The following FOXP1 variants were observed in gnomAD, a reference collection of about 807,000 sequenced individuals.
FOXP1 encodes forkhead box P1.
A neutral mutation model predicts 98.2 loss-of-function variants in FOXP1; 15 were observed. The observed-to-expected ratio is 0.15, with a 90% CI of 0.10 to 0.24. The LOEUF (loss-of-function observed/expected upper bound fraction) is 0.24. FOXP1 is among the 10% of genes least tolerant of loss of function. The pLI is 1.00. For synonymous variants in FOXP1, 371 were observed against 314.5 expected (o/e 1.18, Z -1.90); for missense variants, 633 against 848.5 (o/e 0.75, Z 3.15).
At chr3:71,142,951 G>C (rs1191263029) in intron 6 of FOXP1, among the ~76,000 whole-genome samples, 1 of 152,052 alleles carries the variant, frequency 6.6e-6, no homozygotes, top group East Asian at 1.9e-4. Flanking sequence ...GAGATAAGGG[G>C]GCAGGAAAGA....
At chr3:71,073,943 C>T (rs904458682) in intron 7 of FOXP1, among the ~76,000 whole-genome samples, 2 of 152,148 alleles carry the variant, frequency 1.3e-5, no homozygotes, top group Non-Finnish European at 2.9e-5. Context: ...GGACCAGAGC[C>T]ACTCATGAAC....
chr3:71,043,880 A>T (rs531434930), intron 10 of FOXP1, among the ~76,000 whole-genome samples: 3 of 152,126 alleles, frequency 2.0e-5, no homozygotes, highest in Admixed American at 2.0e-4. Flanking sequence ...ATGTTACTCT[A>T]CTCTCCCATC....
intron 13 of FOXP1, among the ~76,000 whole-genome samples, chr3:70,992,628 C>A (rs2040777389): frequency 1.3e-5 from 2 of 152,218 alleles, no homozygotes; most frequent in South Asian, 2.1e-4. Context: ...GCACCCCAAT[C>A]GAAGAATTTC....
At chr3:71,498,326 G>A (rs1407572498) in intron 2 of FOXP1, among the ~76,000 whole-genome samples, 1 of 152,174 alleles carries the variant, frequency 6.6e-6, no homozygotes, top group Non-Finnish European at 1.5e-5. Flanking sequence ...AGTCTGCAGG[G>A]AGCTAGAAAG....
chr3:71,171,177 T>C lies in FOXP1; in HGVS notation c.180+27025A>G, dbSNP rs188939463. On this transcript the variant is annotated intron_variant, in intron 6 of 20. Transcript: ENST00000649528. ...CCTTTGCTGGGATAAAAGTACATTT[T>C]ATACAGGGTAAAAAGTTGGCATCGT... Among the ~76,000 whole-genome samples, 14 of 152,182 alleles carry C rather than the reference T, an allele frequency of 9.2e-5. No homozygotes were observed. The East Asian group carries it at 2.7e-3, about 29-fold the overall frequency.
At chr3:71,278,255 A>T (rs1428226086) in intron 5 of FOXP1, among the ~76,000 whole-genome samples, 1 of 152,208 alleles carries the variant, frequency 6.6e-6, no homozygotes, top group East Asian at 1.9e-4. Flanking sequence ...TTTTGATATT[A>T]TTCCTGTTTT....
intron 5 of FOXP1, among the ~76,000 whole-genome samples, chr3:71,237,159 G>A (rs2066860219): frequency 7.2e-6 from 1 of 139,182 alleles, no homozygotes; most frequent in African/African-American, 2.7e-5. Context: ...TTGATCCTGG[G>A]AGGCAGAGGT....
intron 3 of FOXP1, among the ~76,000 whole-genome samples, chr3:71,433,218 T>C (rs367732219): frequency 4.6e-5 from 7 of 152,216 alleles, no homozygotes; most frequent in East Asian, 1.9e-4. Context: ...TCATGAACTA[T>C]TGACATACAA....
At chr3:71,536,930 T>C (rs1175406380) in intron 2 of FOXP1, among the ~76,000 whole-genome samples, 1 of 151,984 alleles carries the variant, frequency 6.6e-6, no homozygotes, top group Admixed American at 6.6e-5. Context: ...CACGCAGAGA[T>C]GTAGAAGTGA....
At position 71,126,328 on chromosome 3, in the gene FOXP1, C is replaced by CAAAA. The variant is rs528792162; in HGVS notation, c.181-13695_181-13692dup. On this transcript the variant is annotated intron_variant, in intron 6 of 20. Transcript: ENST00000649528. ...CGAAACCCCGTCTCTATTAAAAATA[C>CAAAA]AAAAAAAAAAATTAGCCAGGCGTGG... Among the ~76,000 whole-genome samples the CAAAA allele has an allele frequency of 6.9e-4, 99 of 143,818 alleles. 1 individual carries two copies. In the East Asian group the frequency reaches 8.9e-3, roughly 13 times the overall value. 94.4% of individuals were successfully genotyped at this position (143,818 alleles called of 152,430 possible). A position where few individuals can be genotyped will look rare whatever the true frequency, so the allele number is the denominator to read the frequency against.
At chr3:71,035,570 G>A (rs977820530) in intron 11 of FOXP1, among the ~76,000 whole-genome samples, 1 of 152,110 alleles carries the variant, frequency 6.6e-6, no homozygotes, top group African/African-American at 2.4e-5. Flanking sequence ...ATAATTTGCC[G>A]AGCTCTGTTA....
At position 71,462,534 on chromosome 3, in the gene FOXP1, C is replaced by A. The variant is rs139291594; in HGVS notation, c.-168+30892G>T. On this transcript the variant is annotated intron_variant, in intron 3 of 20. Coordinates refer to ENST00000649528, the MANE Select transcript of FOXP1 (RefSeq NM_001349338.3). ...CTCCTTCTTGGTAAGCTCCAGTCGC[C>A]GTTCAACTTTCTAAGACAGAATAAA... 7.5e-3 allele frequency among the ~76,000 whole-genome samples: 1,147 copies of A among 152,262 alleles called. 9 individuals are homozygous for A. Among genetic ancestry groups the A allele is most frequent in the African/African-American group, 0.026 (1,079 of 41,552 alleles).
At chr3:71,525,388 C>T (rs968226299) in intron 2 of FOXP1, among the ~76,000 whole-genome samples, 11 of 152,008 alleles carry the variant, frequency 7.2e-5, no homozygotes, top group South Asian at 2.1e-4. Flanking sequence ...TAATTTCAGA[C>T]GAAAAAAAGG....
intron 3 of FOXP1, among the ~76,000 whole-genome samples, chr3:71,463,363 A>G (rs1349614904): frequency 2.3e-5 from 3 of 131,698 alleles, no homozygotes; most frequent in Non-Finnish European, 4.9e-5. Context: ...TCAAAAAAAA[A>G]AAAAAAAAAA....
chr3:71,176,808 T>C lies in FOXP1; in HGVS notation c.180+21394A>G, dbSNP rs952056863. Among the ~76,000 whole-genome samples, 22 of 134,902 alleles carry C rather than the reference T, an allele frequency of 1.6e-4. 1 individual carries two copies. The highest frequency in any genetic ancestry group is 5.1e-4 in the African/African-American group (18 of 35,642). The allele number at this position is 134,902 out of a possible 152,430, so 88.5% of individuals were successfully genotyped here. On this transcript the variant is annotated intron_variant, in intron 6 of 20. Transcript: ENST00000649528. ...CGGGTGCGGTGGCTCACGCCTATAATCCCAGCACTTTGGGAGGCTGATGTG... is the reference window on the plus strand; with the variant it reads ...CGGGTGCGGTGGCTCACGCCTATAACCCCAGCACTTTGGGAGGCTGATGTG...
Position 71,581,092 on chromosome 3 carries a change from A to G in FOXP1, c.-298+457T>C, listed in dbSNP as rs925717689. On this transcript the variant is annotated intron_variant, in intron 2 of 20. Transcript: ENST00000649528. ...GTGGGGAGGTAGGGAAGAGGAAGAA[A>G]TAAGTTTCATTTTGGGTCTTCTGGT... 7.2e-6 allele frequency: 7 copies of G among 968,492 alleles called. No homozygotes were observed. The Admixed American group carries it at 2.5e-4, about 34-fold the overall frequency. 60.0% of individuals were successfully genotyped at this position (968,492 alleles called of 1,614,324 possible).
intron 2 of FOXP1, among the ~76,000 whole-genome samples, chr3:71,550,813 T>G (rs954734288): frequency 6.6e-6 from 1 of 152,174 alleles, no homozygotes; most frequent in Non-Finnish European, 1.5e-5. Context: ...TTTATACCAC[T>G]CCGCAGCATA....
intron 2 of FOXP1, among the ~76,000 whole-genome samples, chr3:71,507,671 G>A (rs1055942688): frequency 2.7e-4 from 41 of 151,772 alleles, no homozygotes; most frequent in East Asian, 1.4e-3. Flanking sequence ...TTTGCCTCCC[G>A]GGTTCACGCC....
At chr3:71,486,589 AAAAG>A (rs1265543904) in intron 3 of FOXP1, among the ~76,000 whole-genome samples, 1 of 152,232 alleles carries the variant, frequency 6.6e-6, no homozygotes, top group Non-Finnish European at 1.5e-5. Context: ...TTTCATGACC[AAAAG>A]AAATAATAAT....
Sources: allele counts gnomAD v4.1 joint callset (sites outside exome capture counted in the v4.1 genomes callset), GRCh38; gene constraint gnomAD v4.1.1; transcripts MANE v1.5; gene names NCBI Gene and HGNC (gene_info 2026-07-23, HGNC 2026-07-21).